Variants in PSD2 observed in about 807,000 individuals in gnomAD.
PSD2 encodes PH and SEC7 domain-containing protein 2.
In PSD2, 38 loss-of-function variants were observed where a neutral mutation model predicts 69.8. That is an observed-to-expected ratio of 0.54 (90% CI 0.42 to 0.71). The LOEUF is 0.71. Among genes scored for constraint, PSD2 ranks in the 30% least tolerant of loss-of-function variants. The pLI, the probability that PSD2 is intolerant of heterozygous loss-of-function variation, is 0.00. For missense variants in PSD2, 943 were observed against 1,014.5 expected (o/e 0.93, Z 0.96); for synonymous variants, 412 against 423.0 (o/e 0.97, Z 0.32).
At chr5:139,748,696 G>T in the PSD2 span, among the ~76,000 whole-genome samples, 1 of 152,272 alleles carries the variant, frequency 6.6e-6, no homozygotes, top group Admixed American at 6.5e-5. Context: ...GGCCGGGCAG[G>T]TGGGAGGGAG....
chr5:139,834,668 C>T (rs988997221), intron 8 of PSD2, among the ~76,000 whole-genome samples: 5 of 152,046 alleles, frequency 3.3e-5, no homozygotes, highest in South Asian at 2.1e-4. Flanking sequence ...ATAATGAGTT[C>T]GGAGGTCTCC....
At chr5:139,838,811 GCCATCCTCAGCCCAGGCCC>G (rs1760802747) in intron 13 of PSD2, 39 bp downstream of exon 13, 4 of 1,593,014 alleles carry the variant, frequency 2.5e-6, no homozygotes, top group Non-Finnish European at 3.4e-6. Flanking sequence ...TCCCCAGGCT[GCCATCCTCAGCCCAGGCCC>G]CCATCCAGCA....
the PSD2 span, among the ~76,000 whole-genome samples, chr5:139,778,833 G>A: frequency 1.3e-5 from 2 of 151,818 alleles, no homozygotes; most frequent in Non-Finnish European, 2.9e-5. Flanking sequence ...GGGGGCTGAG[G>A]TGGGAGGGTT....
In PSD2 at chr5:139,840,029, G is replaced by A. The variant is rs1760832706; in HGVS notation, c.1971G>A (p.Glu657=). The A allele has an allele frequency of 6.2e-7, 1 of 1,614,088 alleles. No homozygotes were observed. The highest frequency in any genetic ancestry group is 8.5e-7 in the Non-Finnish European group (1 of 1,180,036). ...CAGTCCAGGATTTGTCTTTGCAGGA[G>A]GAGCAACTGCGGTCTCATGAGAATA... ...LPSCTTRLCQ[E]EQLRSHENKL... The change falls in exon 14 of 15, where the codon GAG becomes GAA. Residue 657 remains glutamate (E), a splice_region_variant and synonymous_variant. Coordinates refer to ENST00000274710, the MANE Select transcript of PSD2 (RefSeq NM_032289.4).
At chr5:139,789,818 T>C in the PSD2 span, among the ~76,000 whole-genome samples, 1 of 151,718 alleles carries the variant, frequency 6.6e-6, no homozygotes, top group Non-Finnish European at 1.5e-5. Context: ...GGTATATACA[T>C]ATGTGTTATG....
chr5:139,814,314 C>T lies in PSD2; in HGVS notation c.966C>T (p.Tyr322=), dbSNP rs1179173453. 6.2e-7 allele frequency: 1 copy of T among 1,612,848 alleles called. No individual in the cohort carries two copies. The highest frequency in any genetic ancestry group is 8.5e-7 in the Non-Finnish European group (1 of 1,179,534). Residue 322 remains tyrosine (Y), a synonymous_variant, in exon 4 of 15, where the codon TAC becomes TAT. Transcript: ENST00000274710. The surrounding 1 kb of genome is among the most constrained non-coding windows in gnomAD (Gnocchi z 4.4). ...EAAHRLARRL[Y]HLEGFQRCDV... ...CTCATCGGCTGGCACGCCGTCTCTA[C>T]CACCTCGAGGGCTTCCAGCGCTGTG...
rs764275158 is a variant in PSD2, at chr5:139,835,776, G to A, written c.1403+10G>A. The A allele has an allele frequency of 6.2e-7, 1 of 1,613,830 alleles. No individual in the cohort carries two copies. Among genetic ancestry groups the A allele is most frequent in the Non-Finnish European group, 8.5e-7 (1 of 1,179,730 alleles). On this transcript the variant is annotated intron_variant, in intron 9 of 14. Coordinates refer to ENST00000274710, the MANE Select transcript of PSD2 (RefSeq NM_032289.4). ...AGCTGGAATGGGCCATGTGAGTAGTGACGATGGGCACAGGTATGGGGAGCA... is the reference window on the plus strand; with the variant it reads ...AGCTGGAATGGGCCATGTGAGTAGTAACGATGGGCACAGGTATGGGGAGCA...
chr5:139,812,291 C>T (rs546355520), intron 2 of PSD2, among the ~76,000 whole-genome samples: 9 of 152,038 alleles, frequency 5.9e-5, no homozygotes, highest in African/African-American at 1.7e-4. Context: ...ATCGGGAGGT[C>T]GGGGCAGTCC....
In PSD2 at chr5:139,809,509, G is replaced by A. The variant is rs1450262848; in HGVS notation, c.69G>A (p.Glu23=). The A allele has an allele frequency of 6.2e-7, 1 of 1,612,926 alleles. No individual in the cohort carries two copies. Among genetic ancestry groups the A allele is most frequent in the African/African-American group, 1.3e-5 (1 of 74,924 alleles). The change falls in exon 2 of 15, where the codon GAG becomes GAA. Residue 23 remains glutamate (E), a synonymous_variant. Transcript: ENST00000274710. The part of the protein sequence containing the change: ...EGDATRDPGP[E]PEEEPGVRNG... Reference sequence around the variant, plus strand: ...ATGCCACCCGTGACCCCGGTCCAGAGCCTGAAGAGGAGCCAGGGGTCCGGA... The same window carrying A: ...ATGCCACCCGTGACCCCGGTCCAGAACCTGAAGAGGAGCCAGGGGTCCGGA...
intron 7 of PSD2, among the ~76,000 whole-genome samples, chr5:139,823,332 G>A (rs1760322159): frequency 6.6e-6 from 1 of 152,092 alleles, no homozygotes; most frequent in African/African-American, 2.4e-5. Flanking sequence ...GTAGCTAGTG[G>A]TGTGCATGCC....
At chr5:139,817,309 G>C (rs2126944233) in intron 4 of PSD2, among the ~76,000 whole-genome samples, 172 bp from the exon 5 acceptor site, 1 of 145,236 alleles carries the variant, frequency 6.9e-6, no homozygotes, top group African/African-American at 2.5e-5. Context: ...AAGCCTTCCT[G>C]ACACCCCAAG....
At chr5:139,788,695 T>A in the PSD2 span, among the ~76,000 whole-genome samples, 13 of 152,182 alleles carry the variant, frequency 8.5e-5, no homozygotes, top group Non-Finnish European at 1.8e-4. Context: ...TGGGCCAGGC[T>A]CTGCCGGGGC....
chr5:139,836,283 G>C (rs953271880), intron 9 of PSD2, among the ~76,000 whole-genome samples: 1 of 152,210 alleles, frequency 6.6e-6, no homozygotes, highest in African/African-American at 2.4e-5. Flanking sequence ...AGGCTCTGCT[G>C]TGTTCCCCAG....
intron 7 of PSD2, among the ~76,000 whole-genome samples, chr5:139,832,246 C>T (rs1037891233): frequency 6.6e-6 from 1 of 152,118 alleles, no homozygotes; most frequent in Admixed American, 6.5e-5. Flanking sequence ...CCAACATTGC[C>T]CTCATAATCC....
chr5:139,800,281 C>T (rs1028911713), intron 1 of PSD2, among the ~76,000 whole-genome samples: 2 of 152,262 alleles, frequency 1.3e-5, no homozygotes, highest in Non-Finnish European at 2.9e-5. Context: ...TGGGGCTGAG[C>T]AAAACAACTG....
intron 5 of PSD2, 54 bp from the exon 6 acceptor site, chr5:139,821,839 C>A: frequency 9.1e-7 from 1 of 1,099,286 alleles, no homozygotes; most frequent in Non-Finnish European, 1.4e-6. Context: ...GGGGGGTGGT[C>A]TTACCCTGGG....
At chr5:139,789,591 CA>C in the PSD2 span, among the ~76,000 whole-genome samples, 11 of 152,176 alleles carry the variant, frequency 7.2e-5, no homozygotes, top group African/African-American at 2.7e-4. Flanking sequence ...AAAAACAAAA[CA>C]AAACAAAAAC....
At chr5:139,771,202 G>A in the PSD2 span, among the ~76,000 whole-genome samples, 197 of 152,322 alleles carry the variant, frequency 1.3e-3, 1 homozygote, top group South Asian at 1.0e-3. Flanking sequence ...TGGGTCCCAT[G>A]TTGTGACTGG....
At chr5:139,842,217 C>G (rs576223790) in intron 14 of PSD2, 54 bp from the exon 15 acceptor site, 1 of 1,471,618 alleles carries the variant, frequency 6.8e-7, no homozygotes, top group East Asian at 2.3e-5. Context: ...ATAAGGTGCA[C>G]ATACTTTTTT....
Sources: allele counts gnomAD v4.1 joint callset (sites outside exome capture counted in the v4.1 genomes callset), GRCh38; gene constraint gnomAD v4.1.1; non-coding constraint Gnocchi (gnomAD v3.1); transcripts MANE v1.5; gene names NCBI Gene and HGNC (gene_info 2026-07-23, HGNC 2026-07-21).